The following ARHGEF12 variants were observed in gnomAD, a reference collection of about 807,000 sequenced individuals.
The protein encoded by ARHGEF12 is KMT2A/ARHGEF12 fusion protein.
A neutral mutation model predicts 211.2 loss-of-function variants in ARHGEF12; 66 were observed. The ratio of observed to expected loss-of-function variants is 0.31; its 90% CI spans 0.26 to 0.38. The LOEUF (loss-of-function observed/expected upper bound fraction) is 0.38. ARHGEF12 is among the 10% of genes least tolerant of loss of function. The probability of loss-of-function intolerance (pLI) is 1.00; values close to 1 mark genes in which losing one functional copy is unlikely to be tolerated. For synonymous variants in ARHGEF12, 592 were observed against 638.4 expected, an observed-to-expected ratio of 0.93 and a Z score of 1.09; for missense variants, 1,429 against 1,869.5, an observed-to-expected ratio of 0.76 and a Z score of 4.34.
At position 120,480,001 on chromosome 11, in the gene ARHGEF12, A is replaced by C; in HGVS notation, c.3808A>C (p.Thr1270Pro). 1 of 1,614,038 alleles carries C rather than the reference A, an allele frequency of 6.2e-7. No individual in the cohort carries two copies. Residue 1270 changes from threonine (T) to proline (P), a missense_variant, in exon 38 of 41, where the codon ACT becomes CCT. Transcript: ENST00000397843. ...GTTGCTGGTGCAACAGCTAGGTTTG[A>C]CTGAGAAGAGCGTTCAGGAAGACTG... ...KQLLVQQLGLTEKSVQEDWQH... is the reference protein window; with the variant it reads ...KQLLVQQLGLPEKSVQEDWQH...
intron 2 of ARHGEF12, among the ~76,000 whole-genome samples, chr11:120,407,130 G>T (rs867170685): frequency 6.6e-6 from 1 of 152,174 alleles, no homozygotes; most frequent in Non-Finnish European, 1.5e-5. Flanking sequence ...ATATGTGTAT[G>T]TGTACATATG....
intron 14 of ARHGEF12, 74 bp downstream of exon 14, chr11:120,441,891 TACA>T (rs1945878100): frequency 2.3e-6 from 3 of 1,314,858 alleles, no homozygotes; most frequent in Non-Finnish European, 3.3e-6. Context: ...TTCCTAGCTA[TACA>T]ACGAGTGGGC....
intron 31 of ARHGEF12, among the ~76,000 whole-genome samples, chr11:120,474,115 G>A (rs1333501034): frequency 6.6e-6 from 1 of 152,144 alleles, no homozygotes; most frequent in Non-Finnish European, 1.5e-5. Context: ...AGTAGTACCT[G>A]GACTTTTCAT....
chr11:120,349,130 A>G (rs896410941), intron 1 of ARHGEF12, among the ~76,000 whole-genome samples: 4 of 152,218 alleles, frequency 2.6e-5, no homozygotes, highest in Admixed American at 1.3e-4. Context: ...AGGTCTCTAT[A>G]GTAGTTACTG....
At chr11:120,356,528 C>CT (rs902597637) in intron 1 of ARHGEF12, among the ~76,000 whole-genome samples, 16 of 152,258 alleles carry the variant, frequency 1.1e-4, no homozygotes, top group African/African-American at 3.6e-4. Flanking sequence ...CTCCCCTTAT[C>CT]TTTTTGCATG....
At position 120,487,737 on chromosome 11, in the gene ARHGEF12, G is replaced by A; in HGVS notation, c.*2660G>A. 4.5e-6 allele frequency: 1 copy of A among 221,850 alleles called. No homozygotes were observed. The highest frequency in any genetic ancestry group is 9.0e-6 in the Non-Finnish European group (1 of 110,882). The allele number at this position is 221,850 out of a possible 1,614,324, so 13.7% of individuals were successfully genotyped here. ...TGGAAGTGACCTGCTGTGACACTGT[G>A]CTCTCTTCTGTGGGCTTAATGGTTC... is the stretch of plus-strand genomic sequence containing the variant. On this transcript the variant is annotated 3_prime_UTR_variant, in exon 41 of 41. Transcript: ENST00000397843.
intron 20 of ARHGEF12, chr11:120,448,832 T>C (rs1003131618): frequency 2.9e-6 from 1 of 345,816 alleles, no homozygotes; most frequent in Non-Finnish European, 5.2e-6. Context: ...GATGAATGAA[T>C]TGTTTAGAAT....
chr11:120,418,713 C>T (rs1945099521), intron 4 of ARHGEF12, among the ~76,000 whole-genome samples: 1 of 152,124 alleles, frequency 6.6e-6, no homozygotes, highest in Non-Finnish European at 1.5e-5. Flanking sequence ...TATGATTAGC[C>T]AGACTAGTTG....
chr11:120,349,213 G>C (rs1290827456), intron 1 of ARHGEF12, among the ~76,000 whole-genome samples: 2 of 152,172 alleles, frequency 1.3e-5, no homozygotes, highest in Non-Finnish European at 2.9e-5. Flanking sequence ...GTGTTGCCTG[G>C]ATGTGAACAG....
chr11:120,466,426 G>C (rs1335264440), intron 28 of ARHGEF12, among the ~76,000 whole-genome samples: 4 of 152,240 alleles, frequency 2.6e-5, no homozygotes, highest in Non-Finnish European at 4.4e-5. Context: ...TTCTGACACA[G>C]ATTTGTTTTA....
intron 30 of ARHGEF12, among the ~76,000 whole-genome samples, chr11:120,469,768 GT>G (rs1946812669): frequency 6.6e-6 from 1 of 152,160 alleles, no homozygotes; most frequent in Non-Finnish European, 1.5e-5. Context: ...CAAATATTTT[GT>G]ATCAGTTGTG....
chr11:120,477,247 G>A lies in ARHGEF12; in HGVS notation c.3394G>A (p.Ala1132Thr). ...GCAGGACCTAATCTGTCGGATGGCT[G>A]CATCAGTGAAGGAGCAATCCACAAA... is the stretch of plus-strand genomic sequence containing the variant. ...VWQDLICRMA[A>T]SVKEQSTKPI... is the part of the protein sequence containing the mutation. Residue 1132 changes from alanine (A) to threonine (T), a missense_variant, in exon 35 of 41, where the codon GCA becomes ACA. Physicochemically the swap from Ala to Thr is moderately conservative, Grantham distance 58. Around this residue, in one of 7 missense-constraint regions of ARHGEF12, gnomAD observed 223 missense variants for 444.6 expected, o/e 0.50. Transcript: ENST00000397843. The A allele has an allele frequency of 1.2e-6, 2 of 1,613,998 alleles. No homozygotes were observed. The highest frequency in any genetic ancestry group is 1.1e-5 in the South Asian group (1 of 91,048).
intron 1 of ARHGEF12, among the ~76,000 whole-genome samples, chr11:120,392,753 T>G (rs1944259194): frequency 6.6e-6 from 1 of 152,230 alleles, no homozygotes; most frequent in South Asian, 2.1e-4. Context: ...GCTGCTTGCT[T>G]CTTCACTCAG....
intron 29 of ARHGEF12, 55 bp from the exon 30 acceptor site, chr11:120,469,232 AT>A: frequency 7.6e-7 from 1 of 1,315,034 alleles, no homozygotes; most frequent in Non-Finnish European, 1.1e-6. Context: ...ATTTACATAT[AT>A]TTTATGGTTT....
chr11:120,461,832 T>A (rs1946544633), intron 27 of ARHGEF12, among the ~76,000 whole-genome samples: 1 of 152,228 alleles, frequency 6.6e-6, no homozygotes, highest in Non-Finnish European at 1.5e-5. Context: ...TTTTCTTAAA[T>A]CTCATCAGTT....
chr11:120,428,004 T>C (rs1317669769), intron 7 of ARHGEF12, 65 bp from the exon 8 acceptor site: 1 of 1,364,146 alleles, frequency 7.3e-7, no homozygotes, highest in Non-Finnish European at 9.8e-7. Flanking sequence ...AGTAAAATGG[T>C]ATAAAAAGTT....
At chr11:120,405,951 T>C in intron 1 of ARHGEF12, 167 bp from the exon 2 acceptor site, 1 of 551,702 alleles carries the variant, frequency 1.8e-6, no homozygotes, top group Non-Finnish European at 3.1e-6. Context: ...TTAAGATACT[T>C]AAACATGGTG....
chr11:120,399,739 C>A (rs1045831353), intron 1 of ARHGEF12, among the ~76,000 whole-genome samples: 1 of 152,078 alleles, frequency 6.6e-6, no homozygotes, highest in Non-Finnish European at 1.5e-5. Context: ...TGTCGAATCA[C>A]TTTTTCTTGC....
intron 39 of ARHGEF12, 128 bp downstream of exon 39, chr11:120,481,704 A>C (rs1344538635): frequency 2.4e-6 from 2 of 847,418 alleles, no homozygotes; most frequent in Non-Finnish European, 3.6e-6. Context: ...ACTATTATCC[A>C]TGAATAGGCC....
Sources: allele counts gnomAD v4.1 joint callset (sites outside exome capture counted in the v4.1 genomes callset), GRCh38; gene constraint gnomAD v4.1.1; regional missense constraint gnomAD v4.1.1; transcripts MANE v1.5; gene names NCBI Gene and HGNC (gene_info 2026-07-23, HGNC 2026-07-21).